Variants in FAM184A observed in about 807,000 individuals in gnomAD.
FAM184A encodes the protein family with sequence similarity 184 member A, also known as protein FAM184A.
In FAM184A, 99 loss-of-function variants were observed where a neutral mutation model predicts 143.8. That is an observed-to-expected ratio of 0.69 (90% CI 0.58 to 0.81). The LOEUF (loss-of-function observed/expected upper bound fraction) is 0.81, where lower values mean the gene tolerates loss of function less well. Ranked by LOEUF, FAM184A falls within the 40% of genes least tolerant of loss-of-function variation. The pLI is 0.00. For synonymous variants in FAM184A, 427 were observed against 446.4 expected, an observed-to-expected ratio of 0.96 and a Z score of 0.55; for missense variants, 1,217 against 1,310.5, an observed-to-expected ratio of 0.93 and a Z score of 1.10.
In FAM184A at chr6:119,051,627, C is replaced by T. The variant is rs9385066; in HGVS notation, c.159+26514G>A. ...TATTGCATCAAAACATCTCATATAC[C>T]CCATAAATATATACGAGTACTATGT... On this transcript the variant is annotated intron_variant, in intron 1 of 17. Transcript: ENST00000338891. Among the ~76,000 whole-genome samples the T allele has an allele frequency of 3.8e-3, 573 of 151,820 alleles. 10 individuals carry two copies. The East Asian group carries it at 0.039, about 10-fold the overall frequency.
chr6:119,014,644 T>C (rs1785183508), intron 5 of FAM184A, among the ~76,000 whole-genome samples: 2 of 152,224 alleles, frequency 1.3e-5, no homozygotes, highest in African/African-American at 4.8e-5. Flanking sequence ...CTATTATGGC[T>C]TATATGAAGT....
chr6:119,090,780 T>G (rs1370151369), intron 1 of FAM184A, among the ~76,000 whole-genome samples: 2 of 152,200 alleles, frequency 1.3e-5, no homozygotes, highest in Non-Finnish European at 2.9e-5. Flanking sequence ...TCAGCTAATC[T>G]AAGTTATTTG....
chr6:119,097,963 CAGT>C (rs1410619304), intron 1 of FAM184A, among the ~76,000 whole-genome samples: 1 of 152,146 alleles, frequency 6.6e-6, no homozygotes, highest in African/African-American at 2.4e-5. Context: ...TCACCGGATG[CAGT>C]AAGGCCGAAC....
chr6:119,145,116 C>A (rs970026000), intron 1 of FAM184A, among the ~76,000 whole-genome samples: 32 of 152,178 alleles, frequency 2.1e-4, no homozygotes, highest in African/African-American at 7.0e-4. Context: ...GTGGCACTGG[C>A]CAGAGATTGG....
chr6:119,088,660 T>C (rs909840258), intron 1 of FAM184A, among the ~76,000 whole-genome samples: 2 of 152,150 alleles, frequency 1.3e-5, no homozygotes, highest in African/African-American at 4.8e-5. Context: ...GGTCTTTTAT[T>C]TGCATCTCAA....
At chr6:119,120,825 TTCC>T (rs1429357563) in intron 1 of FAM184A, among the ~76,000 whole-genome samples, 10 of 129,090 alleles carry the variant, frequency 7.7e-5, no homozygotes, top group Non-Finnish European at 1.5e-4. Context: ...TCTTTCTTTC[TTCC>T]TTTCTTTCTT....
At chr6:118,975,462 A>G (rs1383904273) in intron 12 of FAM184A, among the ~76,000 whole-genome samples, 3 of 152,260 alleles carry the variant, frequency 2.0e-5, no homozygotes, top group African/African-American at 7.2e-5. Context: ...CTCTCATTTT[A>G]CAGATGAGGA....
chr6:119,071,835 A>G (rs1008564716), intron 1 of FAM184A, among the ~76,000 whole-genome samples: 1 of 150,396 alleles, frequency 6.6e-6, no homozygotes, highest in African/African-American at 2.4e-5. Context: ...CAGCCTGGTC[A>G]CAGTCTAAAG....
intron 1 of FAM184A, among the ~76,000 whole-genome samples, chr6:119,109,643 T>A (rs4945631): frequency 0.54 from 81,943 of 152,082 alleles, 22,561 homozygotes; most frequent in East Asian, 0.73. Context: ...ATTATAACAT[T>A]GTGGCAAAAT....
intron 1 of FAM184A, among the ~76,000 whole-genome samples, chr6:119,065,506 C>A (rs1787416481): frequency 6.6e-6 from 1 of 152,168 alleles, no homozygotes; most frequent in East Asian, 1.9e-4. Flanking sequence ...TTTTACCCAG[C>A]AATAGGTAAC....
In FAM184A at chr6:119,022,976, T is replaced by C; in HGVS notation, c.1119A>G (p.Gln373=). The change falls in exon 3 of 18, where the codon CAA becomes CAG. Residue 373 remains glutamine (Q), a synonymous_variant. Transcript: ENST00000338891. ...TGAGGACAAGATCTGAAGCTTGCTG[T>C]TGTAAACGTTCTCTGGCAGCTGCTA... ...SELAAARERL[Q]QQASDLVLKA... 1 of 1,614,224 alleles carries C rather than the reference T, an allele frequency of 6.2e-7. No homozygotes were observed. The highest frequency in any genetic ancestry group is 8.5e-7 in the Non-Finnish European group (1 of 1,180,042).
intron 10 of FAM184A, 111 bp downstream of exon 10, chr6:118,980,027 G>A: frequency 1.3e-6 from 1 of 771,712 alleles, no homozygotes; most frequent in Non-Finnish European, 2.1e-6. Flanking sequence ...CAGCCTGGGT[G>A]ACAGAGTGAG....
At position 118,980,126 on chromosome 6, in the gene FAM184A, C is replaced by G. The variant is rs1442390629; in HGVS notation, c.2301+12G>C. 14 of 1,609,252 alleles carry G rather than the reference C, an allele frequency of 8.7e-6. No individual in the cohort carries two copies. Among genetic ancestry groups the G allele is most frequent in the Non-Finnish European group, 1.2e-5 (14 of 1,175,804 alleles). The stretch of plus-strand genomic sequence containing the variant: ...TTGGGTTACATTTGAACGTATGTCA[C>G]ATAAAACTTACTCTTTGCTCCTTTT... On this transcript the variant is annotated intron_variant, in intron 10 of 17. Coordinates refer to ENST00000338891, the MANE Select transcript of FAM184A (RefSeq NM_024581.6).
intron 9 of FAM184A, among the ~76,000 whole-genome samples, chr6:118,990,719 AC>A (rs1784352372): frequency 6.9e-6 from 1 of 145,118 alleles, no homozygotes; most frequent in Non-Finnish European, 1.5e-5. Flanking sequence ...TACAAAAAAT[AC>A]AAAAAAAAAA....
At chr6:119,033,085 T>TA (rs955703360) in intron 1 of FAM184A, among the ~76,000 whole-genome samples, 2 of 152,114 alleles carry the variant, frequency 1.3e-5, no homozygotes, top group African/African-American at 2.4e-5. Flanking sequence ...TCCAATTTAT[T>TA]AAAAAAATTA....
At chr6:119,020,716 T>C (rs1785416048) in intron 3 of FAM184A, among the ~76,000 whole-genome samples, 1 of 152,208 alleles carries the variant, frequency 6.6e-6, no homozygotes, top group Non-Finnish European at 1.5e-5. Context: ...AAGTGGAGCT[T>C]GTAGTTCCAG....
chr6:119,121,520 T>C (rs1789211621), intron 1 of FAM184A, among the ~76,000 whole-genome samples: 1 of 152,222 alleles, frequency 6.6e-6, no homozygotes, highest in African/African-American at 2.4e-5. Context: ...TAATTTTAAA[T>C]AGTCCCTGAA....
chr6:119,136,812 G>T (rs1273111090), intron 1 of FAM184A, among the ~76,000 whole-genome samples: 1 of 152,206 alleles, frequency 6.6e-6, no homozygotes, highest in Non-Finnish European at 1.5e-5. Context: ...CTTGGCAAGA[G>T]AAAAGTATGG....
rs571933444 is a variant in FAM184A, at chr6:119,021,009, A to T, written c.1151-850T>A. Among the ~76,000 whole-genome samples, 4 of 152,316 alleles carry T rather than the reference A, an allele frequency of 2.6e-5. No individual in the cohort carries two copies. In the East Asian group the frequency reaches 7.7e-4, roughly 29 times the overall value. ...AAAAGTGAGTGAAGAAAAAGGTCTCATAGAAAGGATAGTTTAAGGCAGAGG... is the reference window on the plus strand; with the variant it reads ...AAAAGTGAGTGAAGAAAAAGGTCTCTTAGAAAGGATAGTTTAAGGCAGAGG... On this transcript the variant is annotated intron_variant, in intron 3 of 17. Transcript: ENST00000338891.
Sources: gnomAD v4.1 joint callset for allele counts (sites outside exome capture counted in the v4.1 genomes callset) on GRCh38, gnomAD v4.1.1 for gene constraint, MANE v1.5 for transcripts, NCBI Gene and HGNC (gene_info 2026-07-23, HGNC 2026-07-21) for gene names.